LEF1: variants seen among roughly 807,000 people sequenced by gnomAD.
LEF1 encodes lymphoid enhancer binding factor 1.
Under a neutral mutation model 51.2 loss-of-function variants are expected in LEF1, and 14 were observed. That is an observed-to-expected ratio of 0.27 (90% CI 0.18 to 0.43). The LOEUF (loss-of-function observed/expected upper bound fraction) is 0.43, where lower values mean the gene tolerates loss of function less well. Among genes scored for constraint, LEF1 ranks in the 20% least tolerant of loss-of-function variants. LEF1 has a pLI of 1.00. For missense variants in LEF1, 386 were observed against 512.0 expected, an observed-to-expected ratio of 0.75 and a Z score of 2.37; for synonymous variants, 185 against 183.2, an observed-to-expected ratio of 1.01 and a Z score of -0.08.
intron 11 of LEF1, among the ~76,000 whole-genome samples, chr4:108,052,746 G>C (rs1348122288): frequency 6.6e-6 from 1 of 152,106 alleles, no homozygotes; most frequent in African/African-American, 2.4e-5. Flanking sequence ...TGTTCCCCAG[G>C]CCTCCTGGCA....
At chr4:108,165,673 A>G (rs1318498033) in intron 1 of LEF1, among the ~76,000 whole-genome samples, 1 of 152,238 alleles carries the variant, frequency 6.6e-6, no homozygotes, top group East Asian at 1.9e-4. Flanking sequence ...GCGCAGTTAC[A>G]GCAGAAGCTC....
intron 3 of LEF1, among the ~76,000 whole-genome samples, chr4:108,152,347 G>GT (rs1351025314): frequency 6.6e-6 from 1 of 152,228 alleles, no homozygotes; most frequent in Non-Finnish European, 1.5e-5. Flanking sequence ...TGGTGAGGAG[G>GT]TAAGACTTGA....
At chr4:108,083,978 A>G (rs1274188640) in intron 4 of LEF1, among the ~76,000 whole-genome samples, 1 of 152,214 alleles carries the variant, frequency 6.6e-6, no homozygotes, top group African/African-American at 2.4e-5. Context: ...GTCACATTTG[A>G]TATGATTCAT....
chr4:108,162,706 G>C lies in LEF1; in HGVS notation c.414+862C>G, dbSNP rs538649286. On this transcript the variant is annotated intron_variant, in intron 3 of 11. Coordinates refer to ENST00000265165, the MANE Select transcript of LEF1 (RefSeq NM_016269.5). ...TTGGGGGTTAGGTGATAAAGGGAGA[G>C]TGGGGCTGGAGAGAAGGTAAATATA... 3.3e-5 allele frequency among the ~76,000 whole-genome samples: 5 copies of C among 152,228 alleles called. 2 individuals carry two copies. The South Asian group carries it at 1.0e-3, about 32-fold the overall frequency.
intron 8 of LEF1, among the ~76,000 whole-genome samples, 183 bp downstream of exon 8, chr4:108,078,037 C>A (rs112321319): frequency 2.2e-5 from 2 of 89,754 alleles, no homozygotes; most frequent in African/African-American, 5.4e-5. Context: ...CAGAGTGAGA[C>A]GCTGTCTCAA....
intron 3 of LEF1, among the ~76,000 whole-genome samples, chr4:108,143,337 T>C (rs1422520950): frequency 6.6e-6 from 1 of 152,220 alleles, no homozygotes; most frequent in Non-Finnish European, 1.5e-5. Flanking sequence ...AAAACCTGAA[T>C]AATAACATCT....
chr4:108,152,434 G>T (rs1744414984), intron 3 of LEF1, among the ~76,000 whole-genome samples: 1 of 152,198 alleles, frequency 6.6e-6, no homozygotes. Flanking sequence ...CAGCCAGTGG[G>T]GCAAGGCACT....
intron 3 of LEF1, among the ~76,000 whole-genome samples, chr4:108,147,776 G>A (rs924045262): frequency 2.6e-5 from 4 of 152,130 alleles, no homozygotes; most frequent in East Asian, 1.9e-4. Flanking sequence ...CCAACTTACC[G>A]TTAGGATGCC....
intron 3 of LEF1, among the ~76,000 whole-genome samples, chr4:108,106,338 T>C (rs974912649): frequency 6.6e-5 from 10 of 152,056 alleles, no homozygotes; most frequent in Admixed American, 1.3e-4. Flanking sequence ...CATTAGGAGA[T>C]GAAACTCCAG....
rs1457545136 is a variant in LEF1 at position 108,107,575 on chromosome 4, A to C, written c.415-18318T>G. ...TAAAAAAAAAAATTGTATACTTTGA[A>C]ATTTATTTTGGATAGTCACTGAAGT... On this transcript the variant is annotated intron_variant, in intron 3 of 11. Coordinates refer to ENST00000265165, the MANE Select transcript of LEF1 (RefSeq NM_016269.5). 4.6e-5 allele frequency among the ~76,000 whole-genome samples: 7 copies of C among 152,128 alleles called. No homozygotes were observed. The East Asian group carries it at 1.2e-3, about 25-fold the overall frequency.
Position 108,089,030 on chromosome 4 carries a change from C to T in LEF1, c.547+95G>A. Reference sequence around the variant, plus strand: ...AAACACATTCTGATCCACCCAGTGACATGGAGCACTGGCATCTGGAAGGTC... The same window carrying T: ...AAACACATTCTGATCCACCCAGTGATATGGAGCACTGGCATCTGGAAGGTC... On this transcript the variant is annotated intron_variant, in intron 4 of 11. Transcript: ENST00000265165. The T allele has an allele frequency of 5.9e-6, 8 of 1,356,738 alleles. No homozygotes were observed. In the South Asian group the frequency reaches 9.5e-5, roughly 16 times the overall value. 84.0% of individuals were successfully genotyped at this position (1,356,738 alleles called of 1,614,324 possible). A position where few individuals can be genotyped will look rare whatever the true frequency, so the allele number is the denominator to read the frequency against.
chr4:108,096,552 T>C (rs534525218), intron 3 of LEF1, among the ~76,000 whole-genome samples: 1 of 152,256 alleles, frequency 6.6e-6, no homozygotes, highest in South Asian at 2.1e-4. Flanking sequence ...GATCCCTAGA[T>C]TTAAAGCTGC....
chr4:108,054,927 CACAG>C (rs970061566), intron 11 of LEF1, among the ~76,000 whole-genome samples: 4 of 152,190 alleles, frequency 2.6e-5, no homozygotes, highest in Non-Finnish European at 5.9e-5. Flanking sequence ...TGCTAAAGGT[CACAG>C]ACAGCTATGA....
rs1162599859 is a variant in LEF1 at position 108,064,365 on chromosome 4, TTCC to T, written c.1133_1135del (p.Arg378del). ...TGCAGATTCCTGTAGTTTCTCTCTC[TTCC>T]TCTTCTTTTTCTTACCCTGGAAGAA... On this transcript the variant is annotated inframe_deletion, in exon 10 of 12. Coordinates refer to ENST00000265165, the MANE Select transcript of LEF1 (RefSeq NM_016269.5). 2.5e-6 allele frequency: 4 copies of T among 1,611,722 alleles called. No homozygotes were observed. Among genetic ancestry groups the T allele is most frequent in the Non-Finnish European group, 3.4e-6 (4 of 1,177,914 alleles).
intron 3 of LEF1, among the ~76,000 whole-genome samples, chr4:108,144,783 C>CCA (rs1743891680): frequency 6.8e-6 from 1 of 147,098 alleles, no homozygotes. Context: ...CAGCCTCAGC[C>CCA]CACAGCTCAG....
chr4:108,099,574 A>ATATATATGTG (rs1740645359), intron 3 of LEF1, among the ~76,000 whole-genome samples: 1 of 24,936 alleles, frequency 4.0e-5, no homozygotes, highest in African/African-American at 2.8e-4. Flanking sequence ...GTGTGTGTAT[A>ATATATATGTG]TATATATATA....
chr4:108,164,955 T>C (rs1578415181), intron 2 of LEF1, 142 bp downstream of exon 2: 3 of 649,282 alleles, frequency 4.6e-6, no homozygotes, highest in Non-Finnish European at 8.2e-6. Context: ...ATAAGTTTCC[T>C]GCGTTTTCTT....
In LEF1 at chr4:108,089,223, G is replaced by A. The variant is rs199515145; in HGVS notation, c.449C>T (p.Ala150Val). Reference sequence around the variant, plus strand: ...GATGAGGGGGGTGAGAGGATGGACCGCATGGGATGGCTGCACCACGGGCAC... The same window carrying A: ...GATGAGGGGGGTGAGAGGATGGACCACATGGGATGGCTGCACCACGGGCAC... ...NKVPVVQPSH[A>V]VHPLTPLITY... is the part of the protein sequence containing the mutation. The change falls in exon 4 of 12, where the codon GCG (alanine) becomes GTG (valine). Residue 150 changes from alanine (A) to valine (V), a missense_variant. Around this residue, in one of 2 missense-constraint regions of LEF1, gnomAD observed 335 missense variants for 390.7 expected, o/e 0.86. Transcript: ENST00000265165. 47 of 1,613,820 alleles carry A rather than the reference G, an allele frequency of 2.9e-5. No individual in the cohort carries two copies. The highest frequency in any genetic ancestry group is 3.6e-5 in the Non-Finnish European group (43 of 1,179,904).
At chr4:108,116,942 G>C (rs545100765) in intron 3 of LEF1, among the ~76,000 whole-genome samples, 7 of 152,320 alleles carry the variant, frequency 4.6e-5, no homozygotes, top group African/African-American at 1.7e-4. Flanking sequence ...ACATTCTATA[G>C]CTTCAAGCCC....
Sources: gnomAD v4.1 joint callset for allele counts (sites outside exome capture counted in the v4.1 genomes callset) on GRCh38, gnomAD v4.1.1 for gene constraint, gnomAD v4.1.1 regional missense constraint, MANE v1.5 for transcripts, NCBI Gene and HGNC (gene_info 2026-07-23, HGNC 2026-07-21) for gene names.